OXR1: variants seen among roughly 807,000 people sequenced by gnomAD.
OXR1 encodes the protein oxidation resistance 1, also known as oxidation resistance protein 1.
In OXR1, 41 loss-of-function variants were observed where a neutral mutation model predicts 104.6. The ratio of observed to expected loss-of-function variants is 0.39; its 90% CI spans 0.31 to 0.51. OXR1 has a LOEUF of 0.51. Among genes scored for constraint, OXR1 ranks in the 20% least tolerant of loss-of-function variants. The probability of loss-of-function intolerance (pLI) is 0.77; values close to 1 mark genes in which losing one functional copy is unlikely to be tolerated. For synonymous variants in OXR1, 348 were observed against 348.4 expected, an observed-to-expected ratio of 1.00 and a Z score of 0.01; for missense variants, 955 against 1,031.9, an observed-to-expected ratio of 0.93 and a Z score of 1.02.
At chr8:106,721,982 T>C (rs1442797102) in intron 11 of OXR1, among the ~76,000 whole-genome samples, 1 of 152,176 alleles carries the variant, frequency 6.6e-6, no homozygotes, top group African/African-American at 2.4e-5. Flanking sequence ...ATTCATTAGG[T>C]TTCCCAGAAA....
chr8:106,537,648 T>C (rs1814641845), intron 3 of OXR1, among the ~76,000 whole-genome samples: 1 of 150,956 alleles, frequency 6.6e-6, no homozygotes, highest in Admixed American at 6.6e-5. Context: ...AACCTGCACA[T>C]TGTGCATATG....
At chr8:106,409,525 T>G (rs1033221622) in intron 2 of OXR1, among the ~76,000 whole-genome samples, 2 of 152,186 alleles carry the variant, frequency 1.3e-5, no homozygotes, top group African/African-American at 4.8e-5. Flanking sequence ...ACATTTTAAA[T>G]GTACTGAACA....
intron 2 of OXR1, among the ~76,000 whole-genome samples, chr8:106,388,882 G>A (rs192799016): frequency 2.6e-5 from 4 of 152,294 alleles, no homozygotes; most frequent in Admixed American, 2.0e-4. Flanking sequence ...TTCAGTAGAC[G>A]TCCTCTGTGC....
chr8:106,684,448 A>G (rs1828493499), intron 6 of OXR1, 89 bp downstream of exon 6: 1 of 681,458 alleles, frequency 1.5e-6, no homozygotes, highest in South Asian at 1.8e-5. Context: ...CATTTTGACT[A>G]TGGTTAGAAT....
At chr8:106,642,537 A>T (rs1469540127) in intron 3 of OXR1, among the ~76,000 whole-genome samples, 2 of 152,148 alleles carry the variant, frequency 1.3e-5, no homozygotes, top group East Asian at 1.9e-4. Context: ...GAGCATGGAG[A>T]TCACCAATAG....
intron 3 of OXR1, among the ~76,000 whole-genome samples, chr8:106,531,811 A>C (rs1007338932): frequency 2.0e-5 from 3 of 152,188 alleles, no homozygotes; most frequent in African/African-American, 7.2e-5. Flanking sequence ...GCTTTAAATA[A>C]TTCTCTCAAG....
chr8:106,297,515 C>T (rs542465384), intron 1 of OXR1, among the ~76,000 whole-genome samples: 1 of 152,260 alleles, frequency 6.6e-6, no homozygotes, highest in South Asian at 2.1e-4. Context: ...CAAATCTGTA[C>T]AGTACGTTAT....
chr8:106,569,555 C>G (rs1335780771), intron 3 of OXR1, among the ~76,000 whole-genome samples: 3 of 152,154 alleles, frequency 2.0e-5, no homozygotes, highest in Non-Finnish European at 4.4e-5. Flanking sequence ...CTTTCCAAAC[C>G]CTTTTCCAGA....
intron 1 of OXR1, among the ~76,000 whole-genome samples, chr8:106,324,281 G>GTTCTCTGT (rs1234089846): frequency 6.6e-6 from 1 of 152,146 alleles, no homozygotes; most frequent in Non-Finnish European, 1.5e-5. Context: ...AATACTGCAT[G>GTTCTCTGT]TTCTCACTTA....
intron 2 of OXR1, among the ~76,000 whole-genome samples, chr8:106,409,985 CACACACACACACAA>C (rs1363753053): frequency 1.4e-5 from 2 of 140,816 alleles, no homozygotes; most frequent in Non-Finnish European, 3.0e-5. Flanking sequence ...TACAGGAATT[CACACACACACACAA>C]ACACACACAC....
chr8:106,626,209 T>A (rs1346427985), intron 3 of OXR1, among the ~76,000 whole-genome samples: 4 of 151,822 alleles, frequency 2.6e-5, no homozygotes, highest in African/African-American at 9.7e-5. Context: ...TGTTTTTCCT[T>A]GTAAAAAAAA....
intron 3 of OXR1, among the ~76,000 whole-genome samples, chr8:106,664,190 C>T (rs183099782): frequency 6.6e-6 from 1 of 152,196 alleles, no homozygotes; most frequent in African/African-American, 2.4e-5. Flanking sequence ...GCTTGTCTCA[C>T]AGGATAGCTG....
At chr8:106,478,988 CT>C (rs1821956825) in intron 2 of OXR1, among the ~76,000 whole-genome samples, 1 of 151,842 alleles carries the variant, frequency 6.6e-6, no homozygotes, top group African/African-American at 2.4e-5. Context: ...CAGTCCCATA[CT>C]TTTGATAATT....
chr8:106,642,719 C>G (rs1410092404), intron 3 of OXR1, among the ~76,000 whole-genome samples: 3 of 152,200 alleles, frequency 2.0e-5, no homozygotes, highest in Non-Finnish European at 2.9e-5. Context: ...CATTCTGTAG[C>G]TGGATAATGA....
intron 2 of OXR1, among the ~76,000 whole-genome samples, chr8:106,434,809 AG>A (rs1429527995): frequency 1.3e-5 from 2 of 152,346 alleles, no homozygotes; most frequent in South Asian, 4.1e-4. Context: ...AGTGCCTACT[AG>A]GAATCAGATG....
chr8:106,523,175 A>G (rs1240926959), intron 3 of OXR1, among the ~76,000 whole-genome samples: 1 of 152,202 alleles, frequency 6.6e-6, no homozygotes, highest in Non-Finnish European at 1.5e-5. Context: ...AAAGAACTTC[A>G]CATCAAATCT....
intron 2 of OXR1, among the ~76,000 whole-genome samples, chr8:106,500,691 A>G (rs985349622): frequency 4.6e-5 from 7 of 152,216 alleles, no homozygotes; most frequent in African/African-American, 7.2e-5. Context: ...CAAGATGTCA[A>G]TCTTTTCCCT....
At chr8:106,413,098 G>T (rs2130512087) in intron 2 of OXR1, among the ~76,000 whole-genome samples, 1 of 151,104 alleles carries the variant, frequency 6.6e-6, no homozygotes, top group African/African-American at 2.4e-5. Context: ...GCTCAACATT[G>T]CCCTCATTTA....
chr8:106,456,691 A>G (rs1211911422), intron 2 of OXR1, among the ~76,000 whole-genome samples: 1 of 152,162 alleles, frequency 6.6e-6, no homozygotes, highest in African/African-American at 2.4e-5. Flanking sequence ...TAACATAACA[A>G]TACATTGGCA....
Sources: allele counts gnomAD v4.1 joint callset (sites outside exome capture counted in the v4.1 genomes callset), GRCh38; gene constraint gnomAD v4.1.1; transcripts MANE v1.5; gene names NCBI Gene and HGNC (gene_info 2026-07-23, HGNC 2026-07-21).